Variants in CRTC3 observed in about 807,000 individuals in gnomAD.
The protein encoded by CRTC3 is CREB regulated transcription coactivator 3, also known as CREB-regulated transcription coactivator 3.
In CRTC3, 26 loss-of-function variants were observed where a neutral mutation model predicts 74.5. The ratio of observed to expected loss-of-function variants is 0.35; its 90% CI spans 0.26 to 0.48. The LOEUF (loss-of-function observed/expected upper bound fraction) is 0.48. Ranked by LOEUF, CRTC3 falls within the 20% of genes least tolerant of loss-of-function variation. The probability of loss-of-function intolerance (pLI) is 0.99; values close to 1 mark genes in which losing one functional copy is unlikely to be tolerated. For synonymous variants in CRTC3, 377 were observed against 325.8 expected (o/e 1.16, Z -1.69); for missense variants, 760 against 787.3 (o/e 0.97, Z 0.41).
At chr15:90,564,100 A>G (rs1484904571) in intron 2 of CRTC3, among the ~76,000 whole-genome samples, 1 of 152,202 alleles carries the variant, frequency 6.6e-6, no homozygotes, top group African/African-American at 2.4e-5. Flanking sequence ...GAGGCCAAGA[A>G]GGATTAAACA....
chr15:90,590,205 A>G (rs1967768151), intron 2 of CRTC3, among the ~76,000 whole-genome samples: 1 of 151,972 alleles, frequency 6.6e-6, no homozygotes, highest in African/African-American at 2.4e-5. Flanking sequence ...AGGCAGGGGA[A>G]TTGCTTGAAC....
In CRTC3 at chr15:90,596,488, T is replaced by C. The variant is rs142264399; in HGVS notation, c.351+2733T>C. On this transcript the variant is annotated intron_variant, in intron 3 of 14. Transcript: ENST00000268184. ...AAACCAAGTTAATATGCAGAGAAAT[T>C]AAAGTTATTAGACAGTATGAGTCAG... 1.3e-4 allele frequency: 19 copies of C among 151,980 alleles called. No homozygotes were observed. The East Asian group carries it at 3.5e-3, about 28-fold the overall frequency. 9.4% of individuals were successfully genotyped at this position (151,980 alleles called of 1,614,324 possible).
intron 2 of CRTC3, among the ~76,000 whole-genome samples, chr15:90,567,033 C>T (rs927987187): frequency 6.6e-6 from 1 of 152,010 alleles, no homozygotes; most frequent in Non-Finnish European, 1.5e-5. Flanking sequence ...ATAGATGAAA[C>T]AGTCTCTTTT....
At chr15:90,591,780 G>C (rs900941884) in intron 2 of CRTC3, among the ~76,000 whole-genome samples, 4 of 152,238 alleles carry the variant, frequency 2.6e-5, no homozygotes, top group African/African-American at 9.6e-5. Flanking sequence ...CTGGGCAACA[G>C]AGTGAGACCC....
intron 2 of CRTC3, among the ~76,000 whole-genome samples, chr15:90,587,278 G>A (rs564878168): frequency 6.6e-5 from 10 of 152,266 alleles, no homozygotes; most frequent in South Asian, 2.1e-4. Context: ...GAAGTACTCC[G>A]GGAGTATGGT....
intron 2 of CRTC3, among the ~76,000 whole-genome samples, chr15:90,562,042 A>ATAGC (rs1310688858): frequency 1.3e-5 from 2 of 152,230 alleles, no homozygotes; most frequent in African/African-American, 4.8e-5. Context: ...TCGACAACAG[A>ATAGC]TAGCTAATGT....
intron 1 of CRTC3, among the ~76,000 whole-genome samples, chr15:90,533,437 A>G (rs1378107489): frequency 3.4e-5 from 5 of 149,248 alleles, no homozygotes; most frequent in Non-Finnish European, 7.4e-5. Flanking sequence ...AAAAAAAAAA[A>G]GGGAAGAAAG....
chr15:90,613,270 A>G (rs1476455924), intron 6 of CRTC3, among the ~76,000 whole-genome samples: 3 of 152,126 alleles, frequency 2.0e-5, no homozygotes, highest in African/African-American at 4.8e-5. Flanking sequence ...GTTGGGCCCA[A>G]GAATCTGCAT....
chr15:90,626,732 C>G (rs1456268518), intron 10 of CRTC3, among the ~76,000 whole-genome samples: 1 of 152,062 alleles, frequency 6.6e-6, no homozygotes, highest in Non-Finnish European at 1.5e-5. Context: ...CTGCCTCAGC[C>G]TCCAGGGTAG....
At chr15:90,633,420 CTAAATTTGAAA>C (rs1311631366) in intron 11 of CRTC3, among the ~76,000 whole-genome samples, 3 of 152,184 alleles carry the variant, frequency 2.0e-5, no homozygotes, top group African/African-American at 7.2e-5. Context: ...ATATAGAATT[CTAAATTTGAAA>C]TAATTTTCCC....
At chr15:90,566,589 C>T (rs1384730984) in intron 2 of CRTC3, among the ~76,000 whole-genome samples, 2 of 150,794 alleles carry the variant, frequency 1.3e-5, no homozygotes, top group African/African-American at 2.4e-5. Context: ...AACTCCATAA[C>T]ATAAAAGTAC....
intron 2 of CRTC3, among the ~76,000 whole-genome samples, chr15:90,570,625 C>T (rs1033125356): frequency 2.6e-5 from 4 of 152,148 alleles, no homozygotes; most frequent in Middle Eastern, 3.4e-3. Flanking sequence ...CTTTAAAAAC[C>T]ATGGCTCACA....
At chr15:90,559,647 C>G (rs1966970011) in intron 2 of CRTC3, among the ~76,000 whole-genome samples, 1 of 152,052 alleles carries the variant, frequency 6.6e-6, no homozygotes, top group South Asian at 2.1e-4. Context: ...TTTTTCGAGG[C>G]AAGGTCTCAC....
chr15:90,624,932 A>C (rs1416548768), intron 9 of CRTC3: 1 of 152,618 alleles, frequency 6.6e-6, no homozygotes, highest in East Asian at 1.9e-4. Flanking sequence ...ACTGCAGTAC[A>C]GAACAGAACT....
chr15:90,551,932 A>ACACACACG (rs1966858744), intron 2 of CRTC3, among the ~76,000 whole-genome samples: 1 of 15,986 alleles, frequency 6.3e-5, no homozygotes, highest in African/African-American at 1.3e-4. Flanking sequence ...ACACACACGC[A>ACACACACG]CACACACACA....
chr15:90,633,122 T>G (rs949300609), intron 11 of CRTC3, among the ~76,000 whole-genome samples: 1 of 152,232 alleles, frequency 6.6e-6, no homozygotes, highest in African/African-American at 2.4e-5. Context: ...AGTGTTTTTA[T>G]AGTTACAATG....
chr15:90,603,981 A>G (rs1194748317), intron 4 of CRTC3, among the ~76,000 whole-genome samples: 3 of 152,142 alleles, frequency 2.0e-5, no homozygotes, highest in Non-Finnish European at 4.4e-5. Context: ...TCAGAGCACC[A>G]GGACTGGTTA....
At chr15:90,634,825 C>A in intron 11 of CRTC3, 1 of 1,519,870 alleles carries the variant, frequency 6.6e-7, no homozygotes. Context: ...ATTTTGCTTC[C>A]AGAAAAATCT....
intron 2 of CRTC3, among the ~76,000 whole-genome samples, chr15:90,578,824 A>G (rs1295427597): frequency 6.6e-6 from 1 of 152,182 alleles, no homozygotes; most frequent in Non-Finnish European, 1.5e-5. Context: ...ACTTATTTAA[A>G]TAACGTGATG....
Sources: gnomAD v4.1 joint callset for allele counts (sites outside exome capture counted in the v4.1 genomes callset) on GRCh38, gnomAD v4.1.1 for gene constraint, MANE v1.5 for transcripts, NCBI Gene and HGNC (gene_info 2026-07-23, HGNC 2026-07-21) for gene names.